KALRN: variants seen among roughly 807,000 people sequenced by gnomAD.
The protein encoded by KALRN is kalirin RhoGEF kinase, also known as kalirin.
A neutral mutation model predicts 353.7 loss-of-function variants in KALRN; 70 were observed. The ratio of observed to expected loss-of-function variants is 0.20; its 90% CI spans 0.16 to 0.24. KALRN has a LOEUF of 0.24. Among genes scored for constraint, KALRN ranks in the 10% least tolerant of loss-of-function variants. KALRN has a pLI of 1.00. For missense variants in KALRN, 2,791 were observed against 3,756.7 expected (o/e 0.74, Z 6.72); for synonymous variants, 1,391 against 1,434.8 (o/e 0.97, Z 0.69).
At position 124,154,854 on chromosome 3, in the gene KALRN, C is replaced by T. The variant is rs77464633; in HGVS notation, c.74-73136C>T. Among the ~76,000 whole-genome samples, 2,360 of 152,248 alleles carry T rather than the reference C, an allele frequency of 0.016. 115 individuals carry two copies. In the East Asian group the frequency reaches 0.17, roughly 11 times the overall value. ...CTGGAGGCATCATGCTACCTGACTT[C>T]AAACTATACTACAAGGCTACAGTAA... is the stretch of plus-strand genomic sequence containing the variant. On this transcript the variant is annotated intron_variant, in intron 1 of 59. Transcript: ENST00000682506.
Position 124,666,485 on chromosome 3 carries a change from G to A in KALRN, c.6382G>A (p.Asp2128Asn). The stretch of plus-strand genomic sequence containing the variant: ...TGCTCAGGGGAAGCTGCTGCAGCAG[G>A]ACACATTCTATGTGATCGAGCTGGA... ...LTAQGKLLQQ[D>N]TFYVIELDAG... is the part of the protein sequence containing the mutation. The change falls in exon 46 of 60, where the codon GAC becomes AAC. Residue 2128 changes from aspartate to asparagine, a missense_variant. Coordinates refer to ENST00000682506, the MANE Select transcript of KALRN (RefSeq NM_001388419.1). 1 of 1,614,010 alleles carries A rather than the reference G, an allele frequency of 6.2e-7. No individual in the cohort carries two copies. Among genetic ancestry groups the A allele is most frequent in the Non-Finnish European group, 8.5e-7 (1 of 1,179,896 alleles).
At chr3:124,501,296 G>A (rs886986631) in intron 33 of KALRN, among the ~76,000 whole-genome samples, 4 of 152,202 alleles carry the variant, frequency 2.6e-5, no homozygotes, top group Admixed American at 2.6e-4. Context: ...TCAGTAACAA[G>A]CTAATGTGAG....
intron 11 of KALRN, among the ~76,000 whole-genome samples, chr3:124,388,553 T>C (rs1475364888): frequency 6.6e-6 from 1 of 152,044 alleles, no homozygotes; most frequent in Non-Finnish European, 1.5e-5. Flanking sequence ...TGGGTTTACT[T>C]GACAATGGGA....
At chr3:124,635,417 T>A (rs1455166257) in intron 36 of KALRN, among the ~76,000 whole-genome samples, 2 of 152,232 alleles carry the variant, frequency 1.3e-5, no homozygotes, top group African/African-American at 4.8e-5. Flanking sequence ...TTCTGGATAA[T>A]TTTTAACCCA....
chr3:124,676,581 A>G (rs543876686), intron 49 of KALRN, among the ~76,000 whole-genome samples: 1 of 152,312 alleles, frequency 6.6e-6, no homozygotes, highest in African/African-American at 2.4e-5. Flanking sequence ...TCTGAACATG[A>G]AATGTTATTG....
At chr3:124,708,751 A>C (rs2062755295) in intron 57 of KALRN, among the ~76,000 whole-genome samples, 1 of 152,150 alleles carries the variant, frequency 6.6e-6, no homozygotes, top group Admixed American at 6.5e-5. Flanking sequence ...CAAATTTGGT[A>C]AAAGACACAA....
At chr3:124,515,772 G>A (rs926143963) in intron 33 of KALRN, among the ~76,000 whole-genome samples, 9 of 152,132 alleles carry the variant, frequency 5.9e-5, no homozygotes, top group African/African-American at 2.2e-4. Flanking sequence ...ACTAGTCCTT[G>A]CCCTAGGCCA....
At chr3:124,437,579 A>C (rs962403269) in intron 17 of KALRN, among the ~76,000 whole-genome samples, 5 of 149,992 alleles carry the variant, frequency 3.3e-5, no homozygotes, top group African/African-American at 1.2e-4. Context: ...AATCCCAGCT[A>C]CTCAGGAGCC....
chr3:124,527,780 C>A (rs149815639), intron 33 of KALRN, among the ~76,000 whole-genome samples: 108 of 152,188 alleles, frequency 7.1e-4, no homozygotes, highest in African/African-American at 2.6e-3. Context: ...TTCCCCCATC[C>A]TTTACCAGCA....
intron 34 of KALRN, among the ~76,000 whole-genome samples, chr3:124,578,971 A>C (rs1332546108): frequency 6.6e-6 from 1 of 152,178 alleles, no homozygotes; most frequent in African/African-American, 2.4e-5. Context: ...GTCTCCTATG[A>C]ATCTCTAGGC....
chr3:124,521,983 G>A (rs536120973), intron 33 of KALRN, among the ~76,000 whole-genome samples: 2 of 152,226 alleles, frequency 1.3e-5, no homozygotes, highest in African/African-American at 4.8e-5. Flanking sequence ...TTCTAGCTGG[G>A]AGAAACAGAC....
chr3:124,177,961 C>A (rs1169413261), intron 1 of KALRN, among the ~76,000 whole-genome samples: 2 of 152,182 alleles, frequency 1.3e-5, no homozygotes, highest in African/African-American at 4.8e-5. Context: ...AAAGTGTGAT[C>A]TGGACAACTT....
At chr3:124,206,438 T>A (rs974325524) in intron 1 of KALRN, among the ~76,000 whole-genome samples, 1 of 152,190 alleles carries the variant, frequency 6.6e-6, no homozygotes, top group African/African-American at 2.4e-5. Context: ...CAAGGGCGGT[T>A]GGGAAATGTA....
chr3:124,268,229 C>T (rs2073790392), intron 4 of KALRN, among the ~76,000 whole-genome samples: 2 of 152,124 alleles, frequency 1.3e-5, no homozygotes, highest in African/African-American at 4.8e-5. Context: ...TAGTTCTGTT[C>T]ACCATACCAC....
rs2060988561 is a variant in KALRN, at chr3:124,089,419, G to A, written c.73+55606G>A. ...TGACCTCAGGGACTGAGAGATGTGA[G>A]GAACATTTAAGAGAAGCCAAACCTC... On this transcript the variant is annotated intron_variant, in intron 1 of 59. Coordinates refer to ENST00000682506, the MANE Select transcript of KALRN (RefSeq NM_001388419.1). Among the ~76,000 whole-genome samples, 7 of 152,238 alleles carry A rather than the reference G, an allele frequency of 4.6e-5. No individual in the cohort carries two copies. The South Asian group carries it at 1.0e-3, about 23-fold the overall frequency.
chr3:124,698,732 C>G (rs574726213), intron 55 of KALRN, among the ~76,000 whole-genome samples: 1 of 152,200 alleles, frequency 6.6e-6, no homozygotes, highest in Non-Finnish European at 1.5e-5. Context: ...TCTACACCCC[C>G]TATCCCCAGA....
intron 34 of KALRN, among the ~76,000 whole-genome samples, chr3:124,609,438 A>T (rs1343730795): frequency 6.6e-6 from 1 of 152,200 alleles, no homozygotes; most frequent in East Asian, 1.9e-4. Context: ...CATGCAACTC[A>T]TGTGTTCATG....
chr3:124,286,161 CGTCT>C (rs755084146), intron 5 of KALRN, among the ~76,000 whole-genome samples: 8 of 125,382 alleles, frequency 6.4e-5, no homozygotes, highest in African/African-American at 8.9e-5. Flanking sequence ...TCCTTTCTTT[CGTCT>C]TTCTTTCTTT....
intron 5 of KALRN, among the ~76,000 whole-genome samples, chr3:124,297,818 G>A (rs2076962117): frequency 6.6e-6 from 1 of 152,190 alleles, no homozygotes; most frequent in South Asian, 2.1e-4. Context: ...TCCTGCAGTT[G>A]TCTTGGCTCC....
Sources: allele counts gnomAD v4.1 joint callset (sites outside exome capture counted in the v4.1 genomes callset), GRCh38; gene constraint gnomAD v4.1.1; transcripts MANE v1.5; gene names NCBI Gene and HGNC (gene_info 2026-07-23, HGNC 2026-07-21).